The following ACOT9 variants were observed in gnomAD, a reference collection of about 807,000 sequenced individuals.
ACOT9 encodes the protein acyl-coenzyme A thioesterase 9, mitochondrial.
A neutral mutation model predicts 39.7 loss-of-function variants in ACOT9; 34 were observed. The observed-to-expected ratio is 0.86, with a 90% CI of 0.65 to 1.14. ACOT9 has a LOEUF of 1.14. ACOT9 is among the 50% of genes most tolerant of loss of function. The pLI, the probability that ACOT9 is intolerant of heterozygous loss-of-function variation, is 0.00. For missense variants in ACOT9, 313 were observed against 344.1 expected (o/e 0.91, Z 0.71); for synonymous variants, 110 against 120.5 (o/e 0.91, Z 0.57).
chrX:23,739,387 T>G (rs938278815), intron 1 of ACOT9, among the ~76,000 whole-genome samples: 4 of 111,455 alleles, frequency 3.6e-5, no homozygotes, highest in African/African-American at 1.3e-4. Flanking sequence ...ATAAAGGAAT[T>G]AACACATATT....
At chrX:23,714,505 A>C (rs1057476428) in intron 8 of ACOT9, among the ~76,000 whole-genome samples, 5 of 111,933 alleles carry the variant, frequency 4.5e-5, no homozygotes. Context: ...GGGATTAGGA[A>C]TGCTCAACCA....
At chrX:23,717,596 G>A (rs1929128053) in intron 8 of ACOT9, among the ~76,000 whole-genome samples, 1 of 111,001 alleles carries the variant, frequency 9.0e-6, no homozygotes, top group Admixed American at 9.7e-5. Flanking sequence ...GGGAAAGGAA[G>A]CAGGAGGCTG....
At chrX:23,730,393 G>A in intron 6 of ACOT9, 134 bp downstream of exon 6, 4 of 521,139 alleles carry the variant, frequency 7.7e-6, no homozygotes, top group South Asian at 6.6e-5. Flanking sequence ...ACGCCCGGCC[G>A]ATGTCCTTCT....
rs756061866 is a variant in ACOT9, at chrX:23,716,209, C to A, written c.589-3001G>T. Among the ~76,000 whole-genome samples, 7 of 111,711 alleles carry A rather than the reference C, an allele frequency of 6.3e-5. No homozygotes were observed. In the South Asian group the frequency reaches 2.6e-3, roughly 42 times the overall value. On this transcript the variant is annotated intron_variant, in intron 8 of 15. Coordinates refer to ENST00000379303, the MANE Select transcript of ACOT9 (RefSeq NM_001037171.2). Reference sequence around the variant, plus strand: ...AGGGAGAAAGAATGTGGATACAGAGCCAGAGCACGAGAATTTCAGGCAAAA... The same window carrying A: ...AGGGAGAAAGAATGTGGATACAGAGACAGAGCACGAGAATTTCAGGCAAAA...
intron 1 of ACOT9, among the ~76,000 whole-genome samples, chrX:23,740,739 CA>C (rs1930112219): frequency 7.5e-5 from 2 of 26,655 alleles, no homozygotes; most frequent in South Asian, 1.4e-3. Flanking sequence ...CACACACACA[CA>C]CACACACACA....
intron 7 of ACOT9, among the ~76,000 whole-genome samples, chrX:23,722,348 G>C (rs1315639571): frequency 9.0e-6 from 1 of 111,434 alleles, no homozygotes; most frequent in Non-Finnish European, 1.9e-5. Context: ...TGGATCACCT[G>C]AGGTCAGGAG....
intron 7 of ACOT9, 151 bp from the exon 8 acceptor site, chrX:23,722,135 ATG>A (rs1337355625): frequency 7.5e-6 from 3 of 398,369 alleles, no homozygotes; most frequent in Non-Finnish European, 1.3e-5. Context: ...AGAAATCTAC[ATG>A]TGTTTTTGAA....
intron 11 of ACOT9, 95 bp downstream of exon 11, chrX:23,706,533 G>A (rs373018085): frequency 8.2e-6 from 5 of 606,240 alleles, no homozygotes; most frequent in East Asian, 7.6e-5. Context: ...ACTCCAGCCT[G>A]GGTAACAAGA....
At chrX:23,721,655 T>C (rs772446723) in intron 8 of ACOT9, among the ~76,000 whole-genome samples, 1 of 111,966 alleles carries the variant, frequency 8.9e-6, no homozygotes, top group Admixed American at 9.6e-5. Context: ...TGGACTTGTA[T>C]ATGATTAGAA....
intron 2 of ACOT9, among the ~76,000 whole-genome samples, chrX:23,734,919 T>A (rs765609193): frequency 1.0e-5 from 1 of 96,481 alleles, no homozygotes; most frequent in East Asian, 3.3e-4. Context: ...GAGGCGGAGG[T>A]TGCAGTGAGC....
intron 9 of ACOT9, among the ~76,000 whole-genome samples, chrX:23,708,259 T>C (rs1928768938): frequency 8.9e-6 from 1 of 112,885 alleles, no homozygotes; most frequent in African/African-American, 3.2e-5. Context: ...CCGGGCGTGG[T>C]GGCTCACGCC....
At position 23,705,545 on chromosome X, in the gene ACOT9, G is replaced by A; in HGVS notation, c.983C>T (p.Ala328Val). Reference sequence around the variant, plus strand: ...AGCAGTAGCCCACGCAAGTTCATATGCCTTCCTCATAAGGAAACCACCAAA... The same window carrying A: ...AGCAGTAGCCCACGCAAGTTCATATACCTTCCTCATAAGGAAACCACCAAA... The part of the protein sequence containing the change: ...RIFGGFLMRK[A>V]YELAWATACS... The change falls in exon 13 of 16, where the codon GCA (alanine) becomes GTA (valine). Residue 328 changes from alanine (A) to valine (V), a missense_variant. Transcript: ENST00000379303. The A allele has an allele frequency of 8.3e-7, 1 of 1,210,863 alleles. No individual in the cohort carries two copies. Among genetic ancestry groups the A allele is most frequent in the Non-Finnish European group, 1.1e-6 (1 of 895,005 alleles).
chrX:23,705,064 C>T lies in ACOT9; in HGVS notation c.1036G>A (p.Val346Met). 1 of 1,211,039 alleles carries T rather than the reference C, an allele frequency of 8.3e-7. No homozygotes were observed. Among genetic ancestry groups the T allele is most frequent in the Non-Finnish European group, 1.1e-6 (1 of 895,205 alleles). Residue 346 changes from valine (V) to methionine (M), a missense_variant, in exon 14 of 16, where the codon GTG becomes ATG. Val to Met is a conservative substitution (Grantham distance 21). Coordinates refer to ENST00000379303, the MANE Select transcript of ACOT9 (RefSeq NM_001037171.2). ...ACSFGGSRPFVVAVDDIMFQK... is the reference protein window; with the variant it reads ...ACSFGGSRPFMVAVDDIMFQK... ...AACATGATGTCATCTACTGCTACCA[C>T]AAACGGTCGAGAACCACTGTTGGGG...
At chrX:23,711,088 G>A (rs1928880496) in intron 9 of ACOT9, among the ~76,000 whole-genome samples, 1 of 111,291 alleles carries the variant, frequency 9.0e-6, no homozygotes, top group Non-Finnish European at 1.9e-5. Flanking sequence ...GAATCCCTAG[G>A]TGGGCAGATC....
chrX:23,730,709 G>T, intron 5 of ACOT9, 107 bp downstream of exon 5: 2 of 969,120 alleles, frequency 2.1e-6, no homozygotes, highest in South Asian at 2.3e-5. Context: ...CAAAACCATG[G>T]AACTGTACAC....
At chrX:23,738,281 G>A (rs1323195315) in intron 1 of ACOT9, among the ~76,000 whole-genome samples, 2 of 109,821 alleles carry the variant, frequency 1.8e-5, no homozygotes, top group African/African-American at 6.6e-5. Flanking sequence ...CCTTACTGAA[G>A]GAAACAGAGT....
intron 6 of ACOT9, among the ~76,000 whole-genome samples, chrX:23,726,798 T>C (rs1929541637): frequency 9.1e-6 from 1 of 110,468 alleles, no homozygotes; most frequent in Non-Finnish European, 1.9e-5. Flanking sequence ...TCCTGAGTAG[T>C]TGGGACTACA....
At chrX:23,733,318 A>G in intron 3 of ACOT9, 101 bp from the exon 4 acceptor site, 1 of 686,512 alleles carries the variant, frequency 1.5e-6, no homozygotes, top group Non-Finnish European at 2.3e-6. Flanking sequence ...CATGCACTCA[A>G]AAGATTTAAA....
chrX:23,727,727 G>A (rs909701848), intron 6 of ACOT9, among the ~76,000 whole-genome samples: 2 of 109,674 alleles, frequency 1.8e-5, no homozygotes, highest in Non-Finnish European at 3.8e-5. Context: ...GGCCTGGCAT[G>A]GTGGCTCACA....
Sources: gnomAD v4.1 joint callset for allele counts (sites outside exome capture counted in the v4.1 genomes callset) on GRCh38, gnomAD v4.1.1 for gene constraint, MANE v1.5 for transcripts, NCBI Gene and HGNC (gene_info 2026-07-23, HGNC 2026-07-21) for gene names.